Variants in NBPF10 observed in about 807,000 individuals in gnomAD.
NBPF10 encodes NBPF member 10, also known as NBPF family member NBPF10.
Under a neutral mutation model 77.9 loss-of-function variants are expected in NBPF10, and 63 were observed. The ratio of observed to expected loss-of-function variants is 0.81; its 90% CI spans 0.66 to 1.00. NBPF10 has a LOEUF of 1.00. NBPF10 is among the 50% of genes least tolerant of loss of function. NBPF10 has a pLI of 0.00. For missense variants in NBPF10, 522 were observed against 679.8 expected (o/e 0.77, Z 2.58); for synonymous variants, 146 against 264.5 (o/e 0.55, Z 4.35).
At chr1:146,139,301 G>A (rs1571227637) in intron 5 of NBPF10, among the ~76,000 whole-genome samples, 1 of 151,700 alleles carries the variant, frequency 6.6e-6, no homozygotes, top group African/African-American at 2.4e-5. Flanking sequence ...AGTAAAGACG[G>A]GGTTTCACCG....
chr1:146,142,341 A>G (rs587768619), intron 2 of NBPF10, among the ~76,000 whole-genome samples: 6 of 131,492 alleles, frequency 4.6e-5, no homozygotes, highest in East Asian at 5.0e-4. Context: ...GGGTGGCGAT[A>G]GCACACCATT....
exon 14 of NBPF10, chr1:146,126,378 C>A: frequency 7.3e-7 from 1 of 1,368,262 alleles, no homozygotes; most frequent in South Asian, 1.2e-5. Context: ...AGACTTCAGG[C>A]CCTTTCTCAT....
At chr1:146,139,119 A>G (rs1191766764) in intron 5 of NBPF10, among the ~76,000 whole-genome samples, 4 of 80,942 alleles carry the variant, frequency 4.9e-5, no homozygotes, top group Admixed American at 1.7e-4. Flanking sequence ...TTTTTTTTTG[A>G]GATGGAGTCT....
chr1:146,123,526 A>ACG (rs1491167630), intron 17 of NBPF10, among the ~76,000 whole-genome samples: 1 of 94,380 alleles, frequency 1.1e-5, no homozygotes, highest in African/African-American at 6.6e-5. Flanking sequence ...ACACACACAC[A>ACG]GAGAGAGAGA....
At chr1:146,076,302 C>CAG (rs1158170059) in intron 77 of NBPF10, among the ~76,000 whole-genome samples, 6 of 4,864 alleles carry the variant, frequency 1.2e-3, no homozygotes, top group African/African-American at 2.5e-3. Context: ...CACACACACA[C>CAG]AGAGAGAGAG....
intron 15 of NBPF10, 103 bp from the exon 16 acceptor site, chr1:146,124,963 A>T (rs180717833): frequency 5.2e-6 from 1 of 191,176 alleles, no homozygotes; most frequent in East Asian, 1.0e-4. Context: ...TAAAAAGAAA[A>T]AGGACAGATC....
At chr1:146,068,281 G>T in intron 87 of NBPF10, 106 bp from the exon 88 acceptor site, 1 of 174,722 alleles carries the variant, frequency 5.7e-6, no homozygotes, top group Non-Finnish European at 1.0e-5. Context: ...AAAGAAAAAG[G>T]ACAGATCCGT....
chr1:146,126,557 G>C (rs1553790084), intron 13 of NBPF10, 149 bp from the exon 14 acceptor site: 1 of 694,342 alleles, frequency 1.4e-6, no homozygotes, highest in Non-Finnish European at 2.7e-6. Context: ...CTTTATGTTG[G>C]GATTGACTAG....
chr1:146,125,653 A>C (rs1446243031), intron 14 of NBPF10, 137 bp from the exon 15 acceptor site: 3 of 521,050 alleles, frequency 5.8e-6, no homozygotes, highest in Non-Finnish European at 1.0e-5. Flanking sequence ...ATTCTTCAGG[A>C]GGCCTGAAGG....
intron 89 of NBPF10, 46 bp downstream of exon 89, chr1:146,067,134 C>G (rs782517202): frequency 4.8e-6 from 3 of 630,272 alleles, no homozygotes; most frequent in South Asian, 4.7e-5. Flanking sequence ...TCTGTTGCCT[C>G]CAGGTGTTAA....
intron 14 of NBPF10, among the ~76,000 whole-genome samples, chr1:146,125,733 C>T (rs1237620874): frequency 7.4e-6 from 1 of 134,994 alleles, no homozygotes; most frequent in African/African-American, 3.1e-5. Flanking sequence ...TCTGGTAGAT[C>T]GTTATCCAAA....
At chr1:146,142,338 G>A (rs1372195295) in intron 2 of NBPF10, among the ~76,000 whole-genome samples, 11 of 130,846 alleles carry the variant, frequency 8.4e-5, no homozygotes, top group African/African-American at 1.3e-4. Context: ...GTGGGGTGGC[G>A]ATAGCACACC....
At chr1:146,126,584 A>G (rs1437437528) in intron 13 of NBPF10, among the ~76,000 whole-genome samples, 176 bp from the exon 14 acceptor site, 1 of 127,076 alleles carries the variant, frequency 7.9e-6, no homozygotes, top group Non-Finnish European at 1.7e-5. Flanking sequence ...GTAGAAAAGG[A>G]TGAACGAGAA....
chr1:146,126,595 A>T, intron 13 of NBPF10, among the ~76,000 whole-genome samples, 187 bp from the exon 14 acceptor site: 1 of 76,812 alleles, frequency 1.3e-5, no homozygotes, highest in East Asian at 3.8e-4. Context: ...TGAACGAGAA[A>T]GACACACACA....
Position 146,125,502 on chromosome 1 carries a change from G to C in NBPF10, c.2041C>G (p.Gln681Glu), listed in dbSNP as rs61816398. ...GGGTCTTGGTCTTCTTCCACTTCTT[G>C]GTACTTTTCAATTTCTGCAATAAGT... The change falls in exon 15 of 90, where the codon CAA (glutamine) becomes GAA (glutamate). Residue 681 changes from glutamine (Q) to glutamate (E), a missense_variant. Transcript: ENST00000583866. 11 of 544,432 alleles carry C rather than the reference G, an allele frequency of 2.0e-5. 1 individual carries two copies. Among genetic ancestry groups the C allele is most frequent in the Non-Finnish European group, 3.5e-5 (11 of 312,678 alleles). 33.7% of individuals were successfully genotyped at this position (544,432 alleles called of 1,614,324 possible).
Position 146,067,176 on chromosome 1 carries a change from T to C in NBPF10, c.11144+4A>G, listed in dbSNP as rs587627500. On this transcript the variant is annotated splice_donor_region_variant and intron_variant, in intron 89 of 89. Transcript: ENST00000583866. ...ACTAAGGATCCACAATTGCTGAAAG[T>C]CACCTGGGGCATGGTGGGTTTTGAT... The C allele has an allele frequency of 1.6e-6, 1 of 620,024 alleles. No individual in the cohort carries two copies. The highest frequency in any genetic ancestry group is 1.8e-5 in the African/African-American group (1 of 55,336). The allele number at this position is 620,024 out of a possible 1,614,324, so 38.4% of individuals were successfully genotyped here.
chr1:146,130,010 T>C (rs1659135061), intron 11 of NBPF10, among the ~76,000 whole-genome samples: 1 of 66,320 alleles, frequency 1.5e-5, no homozygotes, highest in Non-Finnish European at 2.9e-5. Context: ...CATTAACTCA[T>C]CATTTAACAT....
At position 146,126,393 on chromosome 1, in the gene NBPF10, C is replaced by T. The variant is rs781901048; in HGVS notation, c.1869G>A (p.Leu623=). The T allele has an allele frequency of 2.5e-5, 32 of 1,301,108 alleles. 1 individual carries two copies. The African/African-American group carries it at 2.6e-4, about 11-fold the overall frequency. The allele number at this position is 1,301,108 out of a possible 1,614,324, so 80.6% of individuals were successfully genotyped here. ...AGACTTCAGGCCCTTTCTCATCCAGCAGCTCCCTGCTGAGCGTGGAAAAGT... is the reference window on the plus strand; with the variant it reads ...AGACTTCAGGCCCTTTCTCATCCAGTAGCTCCCTGCTGAGCGTGGAAAAGT... The change falls in exon 14 of 90, where the codon CTG becomes CTA. Residue 623 remains leucine, a synonymous_variant. Coordinates refer to ENST00000583866, the Ensembl canonical transcript of NBPF10.
chr1:146,069,858 A>G, intron 85 of NBPF10, 143 bp from the exon 86 acceptor site: 1 of 552,202 alleles, frequency 1.8e-6, no homozygotes, highest in Non-Finnish European at 3.3e-6. Context: ...TATTGCCTTT[A>G]TGATGGGACA....
Sources: allele counts gnomAD v4.1 joint callset (sites outside exome capture counted in the v4.1 genomes callset), GRCh38; gene constraint gnomAD v4.1.1; transcripts MANE v1.5; gene names NCBI Gene and HGNC (gene_info 2026-07-23, HGNC 2026-07-21).